Variants in CASK observed in about 807,000 individuals in gnomAD.
CASK encodes peripheral plasma membrane protein CASK.
CASK carries 4 observed loss-of-function variants against 82.9 expected under a neutral mutation model. The ratio of observed to expected loss-of-function variants is 0.05; its 90% CI spans 0.02 to 0.11. The LOEUF (loss-of-function observed/expected upper bound fraction) is 0.11, where lower values mean the gene tolerates loss of function less well. Among genes scored for constraint, CASK ranks in the 10% least tolerant of loss-of-function variants. The probability of loss-of-function intolerance (pLI) is 1.00; values close to 1 mark genes in which losing one functional copy is unlikely to be tolerated. For missense variants in CASK, 358 were observed against 720.9 expected, an observed-to-expected ratio of 0.50 and a Z score of 5.76; for synonymous variants, 259 against 253.5, an observed-to-expected ratio of 1.02 and a Z score of -0.20.
At position 41,744,637 on chromosome X, in the gene CASK, C is replaced by T. The variant is rs1425847764; in HGVS notation, c.356+887G>A. 8.0e-5 allele frequency among the ~76,000 whole-genome samples: 9 copies of T among 111,874 alleles called. No individual in the cohort carries two copies. The East Asian group carries it at 2.5e-3, about 32-fold the overall frequency. ...GGGATTACAGGCATGAGCCACCGCG[C>T]CCGGCCCATATTTCCTTCTTATTTT... On this transcript the variant is annotated intron_variant, in intron 4 of 26. Transcript: ENST00000378163.
Position 41,890,217 on chromosome X carries a change from CGTGT to C in CASK, c.59+32709_59+32712del, listed in dbSNP as rs750705275. 1.1e-3 allele frequency among the ~76,000 whole-genome samples: 68 copies of C among 63,265 alleles called. 1 individual carries two copies. The highest frequency in any genetic ancestry group is 5.0e-3 in the African/African-American group (64 of 12,715). The allele number at this position is 63,265 out of a possible 115,157, so 54.9% of individuals were successfully genotyped here. On this transcript the variant is annotated intron_variant, in intron 1 of 26. Transcript: ENST00000378163. Reference sequence around the variant, plus strand: ...TCTCCTTATCATGTGAATGTGCATGCGTGTGTGTGTGTGTGTGTGTGTATGTGTG... The same window carrying C: ...TCTCCTTATCATGTGAATGTGCATGCGTGTGTGTGTGTGTGTGTATGTGTG...
At chrX:41,786,901 A>G (rs1360807934) in intron 3 of CASK, 3 of 302,895 alleles carry the variant, frequency 9.9e-6, no homozygotes, top group Admixed American at 1.0e-4. Context: ...AGAAGTTTAT[A>G]GTTTGGGGTC....
intron 12 of CASK, 35 bp from the exon 13 acceptor site, chrX:41,589,627 A>G (rs765834266): frequency 6.3e-6 from 6 of 955,497 alleles, no homozygotes; most frequent in Non-Finnish European, 9.0e-6. Flanking sequence ...GTAAACACTC[A>G]CAATTCTTTG....
chrX:41,769,787 TA>T (rs1421622874), intron 3 of CASK, among the ~76,000 whole-genome samples: 2 of 109,538 alleles, frequency 1.8e-5, no homozygotes, highest in African/African-American at 6.7e-5. Context: ...GTACTAAAAA[TA>T]AAAAAAATTA....
At chrX:41,774,763 T>G (rs1408461256) in intron 3 of CASK, among the ~76,000 whole-genome samples, 1 of 109,159 alleles carries the variant, frequency 9.2e-6, no homozygotes, top group African/African-American at 3.3e-5. Context: ...TTGACAAACC[T>G]GAGAAAAACA....
chrX:41,818,383 G>T (rs777793169), intron 2 of CASK, among the ~76,000 whole-genome samples: 1 of 110,063 alleles, frequency 9.1e-6, no homozygotes, highest in South Asian at 3.9e-4. Flanking sequence ...TGGGTGGATT[G>T]TTTGAGCCCA....
At chrX:41,594,960 C>A (rs1396923317) in intron 12 of CASK, among the ~76,000 whole-genome samples, 1 of 111,627 alleles carries the variant, frequency 9.0e-6, no homozygotes, top group Non-Finnish European at 1.9e-5. Context: ...TTTTTCTTTC[C>A]CACGACCAGA....
intron 22 of CASK, among the ~76,000 whole-genome samples, chrX:41,537,207 G>A (rs2064885658): frequency 9.0e-6 from 1 of 111,667 alleles, no homozygotes; most frequent in Admixed American, 9.5e-5. Flanking sequence ...AAACAGATAT[G>A]TTAAACATCA....
intron 5 of CASK, among the ~76,000 whole-genome samples, chrX:41,687,742 T>C (rs1288763257): frequency 1.8e-5 from 2 of 110,501 alleles, no homozygotes; most frequent in African/African-American, 3.3e-5. Flanking sequence ...GTGGACCACC[T>C]GAGGTCAGGA....
intron 1 of CASK, among the ~76,000 whole-genome samples, chrX:41,888,037 A>C (rs1317290164): frequency 8.9e-6 from 1 of 111,918 alleles, no homozygotes; most frequent in African/African-American, 3.2e-5. Flanking sequence ...GAAAACCCTG[A>C]CACAAGGATC....
intron 5 of CASK, chrX:41,697,970 T>C (rs1329367190): frequency 9.1e-6 from 1 of 109,855 alleles, no homozygotes; most frequent in African/African-American, 3.3e-5. Flanking sequence ...CCCGGCTACT[T>C]TTTGGATTTT....
At chrX:41,636,520 T>C (rs1313118398) in intron 9 of CASK, 58 bp downstream of exon 9, 3 of 744,473 alleles carry the variant, frequency 4.0e-6, no homozygotes, top group Non-Finnish European at 6.4e-6. Context: ...CAAAATAGAA[T>C]AAAAACATGA....
intron 1 of CASK, among the ~76,000 whole-genome samples, chrX:41,876,889 A>G (rs2071834740): frequency 9.0e-6 from 1 of 111,595 alleles, no homozygotes; most frequent in Non-Finnish European, 1.9e-5. Flanking sequence ...AATTCCACTA[A>G]ATATCTTGTA....
intron 8 of CASK, among the ~76,000 whole-genome samples, chrX:41,646,609 A>G (rs981167578): frequency 3.6e-5 from 4 of 111,706 alleles, no homozygotes; most frequent in East Asian, 2.8e-4. Flanking sequence ...ATAGGAAAAG[A>G]AAACTATTTC....
intron 5 of CASK, among the ~76,000 whole-genome samples, chrX:41,715,984 T>C (rs2068055879): frequency 2.7e-5 from 3 of 111,601 alleles, no homozygotes; most frequent in Admixed American, 1.9e-4. Flanking sequence ...GGGCTTTGCT[T>C]GCCCGGTGGA....
intron 1 of CASK, among the ~76,000 whole-genome samples, chrX:41,915,795 C>T (rs1334995708): frequency 9.2e-6 from 1 of 108,711 alleles, no homozygotes; most frequent in Non-Finnish European, 1.9e-5. Context: ...CAAGACCATC[C>T]TGGCTTACAT....
At chrX:41,612,518 G>A (rs2066090196) in intron 11 of CASK, among the ~76,000 whole-genome samples, 2 of 107,005 alleles carry the variant, frequency 1.9e-5, no homozygotes, top group Non-Finnish European at 3.9e-5. Flanking sequence ...CACCCCGTCC[G>A]GGAAGGAGGT....
chrX:41,910,878 TTTTG>T (rs2072551346), intron 1 of CASK, among the ~76,000 whole-genome samples: 1 of 111,973 alleles, frequency 8.9e-6, no homozygotes, highest in Non-Finnish European at 1.9e-5. Flanking sequence ...GAGCAAAATG[TTTTG>T]TTTTTTTTAA....
chrX:41,885,923 T>C (rs967900772), intron 1 of CASK, among the ~76,000 whole-genome samples: 11 of 112,373 alleles, frequency 9.8e-5, no homozygotes, highest in African/African-American at 2.9e-4. Flanking sequence ...AGTAGTTTCA[T>C]TATGGTGAAG....
Sources: gnomAD v4.1 joint callset for allele counts (sites outside exome capture counted in the v4.1 genomes callset) on GRCh38, gnomAD v4.1.1 for gene constraint, MANE v1.5 for transcripts, NCBI Gene and HGNC (gene_info 2026-07-23, HGNC 2026-07-21) for gene names.